The following CUX1 variants were observed in gnomAD, a reference collection of about 807,000 sequenced individuals.
CUX1 encodes the protein protein CASP.
A neutral mutation model predicts 158.8 loss-of-function variants in CUX1; 31 were observed. The observed-to-expected ratio is 0.20, with a 90% CI of 0.15 to 0.26. The LOEUF (loss-of-function observed/expected upper bound fraction) is 0.26, where lower values mean the gene tolerates loss of function less well. Ranked by LOEUF, CUX1 falls within the 10% of genes least tolerant of loss-of-function variation. The pLI is 1.00. For synonymous variants in CUX1, 879 were observed against 862.1 expected (o/e 1.02, Z -0.34); for missense variants, 1,589 against 2,014.6 (o/e 0.79, Z 4.04).
chr7:102,049,051 C>T (rs1243396237), intron 3 of CUX1, among the ~76,000 whole-genome samples: 1 of 151,954 alleles, frequency 6.6e-6, no homozygotes, highest in Non-Finnish European at 1.5e-5. Context: ...ATGGAATAGG[C>T]CTCCCCTGCT....
At chr7:102,009,047 T>C (rs994196839) in intron 2 of CUX1, among the ~76,000 whole-genome samples, 1 of 152,130 alleles carries the variant, frequency 6.6e-6, no homozygotes, top group Non-Finnish European at 1.5e-5. Flanking sequence ...TGAATTGCAG[T>C]GTTCAGAGGC....
At chr7:102,005,800 TG>T (rs1229768235) in intron 2 of CUX1, among the ~76,000 whole-genome samples, 1 of 152,162 alleles carries the variant, frequency 6.6e-6, no homozygotes, top group Non-Finnish European at 1.5e-5. Context: ...CACATCCTTC[TG>T]GGAACCTGCT....
chr7:102,062,721 G>A (rs976092911), intron 3 of CUX1, among the ~76,000 whole-genome samples: 4 of 152,074 alleles, frequency 2.6e-5, no homozygotes, highest in East Asian at 1.9e-4. Flanking sequence ...GGTTGATCTC[G>A]AACTCCTGCA....
chr7:102,055,468 T>C lies in CUX1; in HGVS notation c.190-14871T>C, dbSNP rs1824026268. ...CCACAATATTTCCAATTATTCACTA[T>C]TATTATATCTGATATGGTGATCTGC... On this transcript the variant is annotated intron_variant, in intron 3 of 23. Transcript: ENST00000292535. Among the ~76,000 whole-genome samples the C allele has an allele frequency of 2.6e-5, 4 of 152,224 alleles. No individual in the cohort carries two copies. In the South Asian group the frequency reaches 8.3e-4, roughly 32 times the overall value.
intron 8 of CUX1, among the ~76,000 whole-genome samples, chr7:102,148,664 A>T (rs1438141751): frequency 2.7e-5 from 4 of 148,712 alleles, no homozygotes; most frequent in African/African-American, 9.8e-5. Flanking sequence ...AATGTATTTT[A>T]TATATAACTA....
At chr7:102,282,767 G>A (rs1351977661) in exon 22 of CUX1, 1 of 1,613,128 alleles carries the variant, frequency 6.2e-7, no homozygotes, top group Non-Finnish European at 8.5e-7. Context: ...GCCACCTTCT[G>A]CGCCAAGAAG....
At chr7:102,241,524 G>A (rs538357987) in intron 23 of CUX1, among the ~76,000 whole-genome samples, 1 of 152,300 alleles carries the variant, frequency 6.6e-6, no homozygotes, top group African/African-American at 2.4e-5. Context: ...AGGCTGGAGG[G>A]GAAGTTGTGT....
At chr7:102,025,260 G>T (rs1264965324) in intron 2 of CUX1, among the ~76,000 whole-genome samples, 2 of 152,146 alleles carry the variant, frequency 1.3e-5, no homozygotes, top group South Asian at 4.1e-4. Flanking sequence ...ATTCACAGGC[G>T]CCAGCTATGA....
At chr7:102,082,264 G>A (rs1323562135) in intron 4 of CUX1, among the ~76,000 whole-genome samples, 2 of 146,794 alleles carry the variant, frequency 1.4e-5, no homozygotes, top group African/African-American at 2.4e-5. Context: ...GGTGGCTCAC[G>A]CCTGTAATCC....
chr7:102,207,541 C>G (rs901668428), intron 20 of CUX1, among the ~76,000 whole-genome samples: 25 of 149,270 alleles, frequency 1.7e-4, no homozygotes, highest in Admixed American at 4.8e-4. Flanking sequence ...ACCTCCACCC[C>G]CCCAGGTTCA....
At chr7:101,880,152 C>T (rs1336449886) in intron 1 of CUX1, among the ~76,000 whole-genome samples, 1 of 151,980 alleles carries the variant, frequency 6.6e-6, no homozygotes, top group African/African-American at 2.4e-5. Context: ...ATCCAGAATG[C>T]GTTTATATAA....
rs1798237849 is a variant in CUX1 at position 101,869,291 on chromosome 7, G to C, written c.31-46824G>C. On this transcript the variant is annotated intron_variant, in intron 1 of 23. Transcript: ENST00000292535. This position sits in a 1 kb window ranked among gnomAD's most constrained non-coding sequence, Gnocchi z 4.5. ...TGTCCAGAGGACGCGGTGCCTTTCA[G>C]ACCCCTTGAGTAAGAGACAGAGTGG... Among the ~76,000 whole-genome samples the C allele has an allele frequency of 6.6e-6, 1 of 152,162 alleles. No individual in the cohort carries two copies. Among genetic ancestry groups the C allele is most frequent in the African/African-American group, 2.4e-5 (1 of 41,436 alleles).
intron 20 of CUX1, among the ~76,000 whole-genome samples, chr7:102,225,817 C>T (rs1422726201): frequency 6.6e-6 from 1 of 152,216 alleles, no homozygotes; most frequent in Non-Finnish European, 1.5e-5. Flanking sequence ...AGCAAGACCC[C>T]ATCTCCACAA....
intron 2 of CUX1, among the ~76,000 whole-genome samples, chr7:101,969,144 A>G (rs1054038862): frequency 1.3e-4 from 20 of 151,540 alleles, no homozygotes; most frequent in Admixed American, 3.3e-4. Context: ...CCTGGGCAAC[A>G]TGGTGAAACC....
Position 102,257,525 on chromosome 7 carries a change from G to T in CUX1, c.*8483G>T. Reference sequence around the variant, plus strand: ...AAATAAAAGTGGGGGTAAAAAGAAGGTGGTTTTCCCCACATCCCTTTGCAT... The same window carrying T: ...AAATAAAAGTGGGGGTAAAAAGAAGTTGGTTTTCCCCACATCCCTTTGCAT... On this transcript the variant is annotated 3_prime_UTR_variant, in exon 24 of 24. Transcript: ENST00000292535. The T allele has an allele frequency of 1.0e-6, 1 of 985,344 alleles. No homozygotes were observed. The highest frequency in any genetic ancestry group is 1.2e-6 in the Non-Finnish European group (1 of 829,928). 61.0% of individuals were successfully genotyped at this position (985,344 alleles called of 1,614,324 possible).
intron 21 of CUX1, among the ~76,000 whole-genome samples, chr7:102,230,204 A>C (rs1554530145): frequency 6.6e-6 from 1 of 152,056 alleles, no homozygotes; most frequent in East Asian, 1.9e-4. Context: ...TCACTTGAGA[A>C]TGACAGGTGG....
At chr7:101,997,324 G>C (rs1298343079) in intron 2 of CUX1, among the ~76,000 whole-genome samples, 1 of 152,124 alleles carries the variant, frequency 6.6e-6, no homozygotes, top group African/African-American at 2.4e-5. Flanking sequence ...CTTTTGGTTT[G>C]TTTTTTTGTT....
Position 102,169,461 on chromosome 7 carries a change from T to C in CUX1, c.724-985T>C, listed in dbSNP as rs144518844. Among the ~76,000 whole-genome samples, 486 of 152,314 alleles carry C rather than the reference T, an allele frequency of 3.2e-3. 3 individuals carry two copies. Among genetic ancestry groups the C allele is most frequent in the African/African-American group, 0.011 (465 of 41,564 alleles). ...CTTTCACCTCAGCCCACGTGTCCCA[T>C]GTCATTCGCCACCATCTCCCACCTG... On this transcript the variant is annotated intron_variant, in intron 9 of 23. Coordinates refer to ENST00000292535, the MANE Select transcript of CUX1 (RefSeq NM_181552.4).
chr7:102,055,986 A>G, intron 3 of CUX1, among the ~76,000 whole-genome samples: 1 of 152,212 alleles, frequency 6.6e-6, no homozygotes, highest in Non-Finnish European at 1.5e-5. Context: ...CTTAAGCCAA[A>G]GTCTAATTCT....
Sources: allele counts gnomAD v4.1 joint callset (sites outside exome capture counted in the v4.1 genomes callset), GRCh38; gene constraint gnomAD v4.1.1; non-coding constraint Gnocchi (gnomAD v3.1); transcripts MANE v1.5; gene names NCBI Gene and HGNC (gene_info 2026-07-23, HGNC 2026-07-21).